FSIP1: variants seen among roughly 807,000 people sequenced by gnomAD.
The protein encoded by FSIP1 is fibrous sheath-interacting protein 1.
In FSIP1, 65 loss-of-function variants were observed where a neutral mutation model predicts 60.9. The observed-to-expected ratio is 1.07, with a 90% CI of 0.87 to 1.31. The LOEUF (loss-of-function observed/expected upper bound fraction) is 1.31. Among genes scored for constraint, FSIP1 ranks in the 40% most tolerant of loss-of-function variants. The pLI is 0.00. For synonymous variants in FSIP1, 209 were observed against 221.2 expected (o/e 0.94, Z 0.49); for missense variants, 675 against 665.5 (o/e 1.01, Z -0.16).
intron 10 of FSIP1, among the ~76,000 whole-genome samples, chr15:39,628,421 C>A (rs1891731497): frequency 6.6e-6 from 1 of 152,200 alleles, no homozygotes; most frequent in Non-Finnish European, 1.5e-5. Context: ...TGCTTTCATT[C>A]TGGATGGGCA....
intron 10 of FSIP1, among the ~76,000 whole-genome samples, chr15:39,687,982 C>T (rs1894449859): frequency 6.6e-6 from 1 of 152,082 alleles, no homozygotes; most frequent in Non-Finnish European, 1.5e-5. Context: ...ACTTCAAGCA[C>T]TAGGAATCAG....
At chr15:39,721,624 T>C (rs141102750) in intron 9 of FSIP1, among the ~76,000 whole-genome samples, 3 of 152,328 alleles carry the variant, frequency 2.0e-5, no homozygotes, top group Admixed American at 6.5e-5. Flanking sequence ...CATTCAAAAA[T>C]GTATTGACGA....
intron 10 of FSIP1, among the ~76,000 whole-genome samples, chr15:39,691,210 C>T (rs1894587013): frequency 1.3e-5 from 2 of 152,130 alleles, no homozygotes; most frequent in Non-Finnish European, 1.5e-5. Flanking sequence ...TTTCCATGTC[C>T]ACCTAAAGAG....
intron 10 of FSIP1, among the ~76,000 whole-genome samples, chr15:39,620,390 AAAGT>A: frequency 6.6e-6 from 1 of 152,134 alleles, no homozygotes; most frequent in Non-Finnish European, 1.5e-5. Context: ...ATCAATTAAG[AAAGT>A]AAGTTATTAA....
chr15:39,612,247 G>C (rs1891063046), intron 11 of FSIP1, among the ~76,000 whole-genome samples: 1 of 152,124 alleles, frequency 6.6e-6, no homozygotes, highest in African/African-American at 2.4e-5. Flanking sequence ...CTCCAGGATA[G>C]GCCACAAAAC....
At chr15:39,674,173 G>C (rs1332450021) in intron 10 of FSIP1, among the ~76,000 whole-genome samples, 1 of 151,718 alleles carries the variant, frequency 6.6e-6, no homozygotes, top group East Asian at 1.9e-4. Context: ...TCCTGCCTCA[G>C]CCTACCAAGT....
chr15:39,648,264 G>A (rs1595570850), intron 10 of FSIP1, among the ~76,000 whole-genome samples: 1 of 148,948 alleles, frequency 6.7e-6, no homozygotes, highest in Non-Finnish European at 1.5e-5. Context: ...CTGGCAGCTT[G>A]AAATTTTCTA....
At chr15:39,655,369 A>G (rs1893031418) in intron 10 of FSIP1, among the ~76,000 whole-genome samples, 1 of 152,212 alleles carries the variant, frequency 6.6e-6, no homozygotes, top group Non-Finnish European at 1.5e-5. Flanking sequence ...GAGACCTATT[A>G]TATCAAAAGG....
intron 4 of FSIP1, among the ~76,000 whole-genome samples, chr15:39,764,818 T>C (rs1897625696): frequency 6.6e-6 from 1 of 152,198 alleles, no homozygotes; most frequent in Non-Finnish European, 1.5e-5. Flanking sequence ...CCCCAAAACT[T>C]GTTTGTCACA....
At chr15:39,739,588 A>T in intron 7 of FSIP1, 77 bp downstream of exon 7, 1 of 1,284,436 alleles carries the variant, frequency 7.8e-7, no homozygotes, top group Non-Finnish European at 1.1e-6. Context: ...ATATTTAAAG[A>T]CACTGAACAA....
chr15:39,782,041 T>C (rs1898284529), intron 1 of FSIP1, among the ~76,000 whole-genome samples: 1 of 152,226 alleles, frequency 6.6e-6, no homozygotes, highest in African/African-American at 2.4e-5. Context: ...TAAAATATAT[T>C]AGAATTGCTG....
chr15:39,744,794 C>T (rs1256858444), intron 5 of FSIP1, among the ~76,000 whole-genome samples: 5 of 151,384 alleles, frequency 3.3e-5, no homozygotes, highest in African/African-American at 1.2e-4. Flanking sequence ...CACACACACA[C>T]ACACACACAC....
intron 9 of FSIP1, among the ~76,000 whole-genome samples, chr15:39,718,328 GTATATA>G (rs898205590): frequency 1.3e-5 from 2 of 150,750 alleles, no homozygotes; most frequent in Non-Finnish European, 3.0e-5. Context: ...ATATATGTGT[GTATATA>G]TATATAGTCT....
At chr15:39,637,053 T>C (rs1892166682) in intron 10 of FSIP1, among the ~76,000 whole-genome samples, 1 of 152,184 alleles carries the variant, frequency 6.6e-6, no homozygotes, top group South Asian at 2.1e-4. Flanking sequence ...CAACTCATTC[T>C]AGAAGTTCAC....
intron 10 of FSIP1, among the ~76,000 whole-genome samples, chr15:39,654,483 T>C (rs1178690793): frequency 1.3e-5 from 2 of 152,230 alleles, no homozygotes; most frequent in South Asian, 2.1e-4. Flanking sequence ...GTGATACCTG[T>C]GTACTAAATG....
At position 39,617,942 on chromosome 15, in the gene FSIP1, CA is replaced by C. The variant is rs763036515; in HGVS notation, c.1491del (p.Val498SerfsTer7). The C allele has an allele frequency of 3.1e-6, 5 of 1,614,060 alleles. No homozygotes were observed. On this transcript the variant is annotated frameshift_variant, in exon 11 of 12. Transcript: ENST00000350221. LOFTEE classifies it high-confidence loss of function. ...CATTTCATATTCTCTGCTTCAGTGA[CA>C]AGAGCTTCTGACATGTTATGTCCAG... The part of the protein sequence containing the change: ...ALTGHNMSEA[L>X]VTEAENMKCL...
In FSIP1 at chr15:39,765,603, C is replaced by A; in HGVS notation, c.454G>T (p.Glu152Ter). ...TAGATAATTCTTACCTTAATTTCTTCCCACAGCTTTATTCTCATTTCTAGA... is the reference window on the plus strand; with the variant it reads ...TAGATAATTCTTACCTTAATTTCTTACCACAGCTTTATTCTCATTTCTAGA... ...QGLEMRIKLW[E>*]EIKSAKYSEA... The change falls in exon 4 of 12, where the codon GAA (glutamate) becomes TAA (stop). Residue 152 changes from glutamate (E) to a stop codon, truncating the protein, a stop_gained. Coordinates refer to ENST00000350221, the MANE Select transcript of FSIP1 (RefSeq NM_152597.5). LOFTEE classifies it high-confidence loss of function. The A allele has an allele frequency of 6.3e-7, 1 of 1,578,170 alleles. No homozygotes were observed. Among genetic ancestry groups the A allele is most frequent in the East Asian group, 2.3e-5 (1 of 43,930 alleles).
At chr15:39,701,340 CA>C (rs950504752) in intron 10 of FSIP1, among the ~76,000 whole-genome samples, 5 of 151,812 alleles carry the variant, frequency 3.3e-5, no homozygotes, top group African/African-American at 1.2e-4. Context: ...ACCTTATTGG[CA>C]AAAAAATAAT....
chr15:39,644,109 T>A (rs528862560), intron 10 of FSIP1, among the ~76,000 whole-genome samples: 17 of 152,362 alleles, frequency 1.1e-4, no homozygotes, highest in African/African-American at 3.8e-4. Flanking sequence ...CACTTTGAGA[T>A]TTCTCATCAG....
Sources: gnomAD v4.1 joint callset for allele counts (sites outside exome capture counted in the v4.1 genomes callset) on GRCh38, gnomAD v4.1.1 for gene constraint, MANE v1.5 for transcripts, NCBI Gene and HGNC (gene_info 2026-07-23, HGNC 2026-07-21) for gene names.